GMDS: variants seen among roughly 807,000 people sequenced by gnomAD.
GMDS encodes the protein GDP-mannose 4,6-dehydratase.
GMDS carries 20 observed loss-of-function variants against 49.9 expected under a neutral mutation model. The ratio of observed to expected loss-of-function variants is 0.40; its 90% confidence interval spans 0.28 to 0.58. The LOEUF is 0.58. Among genes scored for constraint, GMDS ranks in the 20% least tolerant of loss-of-function variants. The pLI is 0.42. For synonymous variants in GMDS, 177 were observed against 178.6 expected, an observed-to-expected ratio of 0.99 and a Z score of 0.07; for missense variants, 362 against 481.4, an observed-to-expected ratio of 0.75 and a Z score of 2.32.
At chr6:1,992,375 C>T (rs1766002800) in intron 4 of GMDS, among the ~76,000 whole-genome samples, 1 of 152,186 alleles carries the variant, frequency 6.6e-6, no homozygotes, top group Non-Finnish European at 1.5e-5. Flanking sequence ...CCACTCCTCC[C>T]TCCCCTTCTT....
At chr6:2,160,964 A>T (rs1486884342) in intron 1 of GMDS, among the ~76,000 whole-genome samples, 2 of 152,324 alleles carry the variant, frequency 1.3e-5, no homozygotes, top group East Asian at 3.9e-4. Flanking sequence ...CATACCCTGA[A>T]GCTCTTTGAA....
At position 2,006,110 on chromosome 6, in the gene GMDS, C is replaced by T. The variant is rs190399026; in HGVS notation, c.346-45144G>A. Among the ~76,000 whole-genome samples the T allele has an allele frequency of 3.1e-3, 476 of 152,188 alleles. 4 individuals are homozygous for T. Among genetic ancestry groups the T allele is most frequent in the Middle Eastern group, 3.4e-3 (1 of 294 alleles). On this transcript the variant is annotated intron_variant, in intron 4 of 10. Coordinates refer to ENST00000380815, the MANE Select transcript of GMDS (RefSeq NM_001500.4). ...ACCTGAATGCCCTCACCTCCATTCACTCAGTGGCACCAACAGAAACATAAA... is the reference window on the plus strand; with the variant it reads ...ACCTGAATGCCCTCACCTCCATTCATTCAGTGGCACCAACAGAAACATAAA...
intron 9 of GMDS, among the ~76,000 whole-genome samples, chr6:1,651,476 C>T (rs1432165279): frequency 6.6e-6 from 1 of 152,228 alleles, no homozygotes; most frequent in Non-Finnish European, 1.5e-5. Flanking sequence ...ACTTCCAGGG[C>T]TGGTGTCACC....
At chr6:2,175,680 T>A (rs1778249170) in intron 1 of GMDS, among the ~76,000 whole-genome samples, 3 of 152,232 alleles carry the variant, frequency 2.0e-5, no homozygotes, top group Admixed American at 2.0e-4. Context: ...GAGCATGCTT[T>A]GGTTTTAATA....
chr6:1,793,147 T>C (rs998538351), intron 7 of GMDS, among the ~76,000 whole-genome samples: 1 of 152,204 alleles, frequency 6.6e-6, no homozygotes, highest in Non-Finnish European at 1.5e-5. Flanking sequence ...AAACGACTTC[T>C]TCAGGTTTCC....
chr6:1,953,770 G>T lies in GMDS; in HGVS notation c.643+6097C>A, dbSNP rs1481852541. On this transcript the variant is annotated intron_variant, in intron 6 of 10. Coordinates refer to ENST00000380815, the MANE Select transcript of GMDS (RefSeq NM_001500.4). ...TCTTTAAGAGTAGATTTTATTACTG[G>T]TAAATAACATATTTGAAAAGAAACT... Among the ~76,000 whole-genome samples the T allele has an allele frequency of 2.6e-5, 4 of 151,862 alleles. No individual in the cohort carries two copies. In the South Asian group the frequency reaches 6.2e-4, roughly 24 times the overall value.
intron 1 of GMDS, among the ~76,000 whole-genome samples, chr6:2,223,158 T>C (rs12195559): frequency 6.6e-6 from 1 of 151,750 alleles, no homozygotes; most frequent in Admixed American, 6.6e-5. Flanking sequence ...TCTATATATA[T>C]ATACACACAT....
intron 9 of GMDS, among the ~76,000 whole-genome samples, chr6:1,702,089 G>A (rs1274017034): frequency 6.6e-6 from 1 of 152,258 alleles, no homozygotes; most frequent in African/African-American, 2.4e-5. Flanking sequence ...TTAAGACAAG[G>A]AAAGTTTGGA....
At chr6:1,789,451 G>A (rs887108254) in intron 7 of GMDS, among the ~76,000 whole-genome samples, 1 of 151,828 alleles carries the variant, frequency 6.6e-6, no homozygotes, top group Non-Finnish European at 1.5e-5. Flanking sequence ...CTCCCTCCTA[G>A]GAATCAGGAC....
At chr6:2,027,578 T>C (rs1768677415) in intron 4 of GMDS, among the ~76,000 whole-genome samples, 1 of 151,362 alleles carries the variant, frequency 6.6e-6, no homozygotes, top group South Asian at 2.1e-4. Flanking sequence ...TTGGCAGGAG[T>C]GAGAAACAAC....
intron 1 of GMDS, among the ~76,000 whole-genome samples, chr6:2,192,085 A>T (rs537705383): frequency 2.6e-5 from 4 of 152,242 alleles, no homozygotes; most frequent in Admixed American, 6.5e-5. Context: ...CTCTGCTAAG[A>T]GCTGCAGAGA....
chr6:1,840,578 A>C (rs1757111852), intron 7 of GMDS, among the ~76,000 whole-genome samples: 1 of 152,194 alleles, frequency 6.6e-6, no homozygotes, highest in African/African-American at 2.4e-5. Flanking sequence ...CAAGAGACGT[A>C]TTTGCTGCTA....
intron 4 of GMDS, among the ~76,000 whole-genome samples, chr6:2,082,229 C>A (rs1353917783): frequency 6.6e-6 from 1 of 152,158 alleles, no homozygotes; most frequent in Non-Finnish European, 1.5e-5. Flanking sequence ...TTTTCAAGAA[C>A]CCATCAGCTG....
chr6:1,747,470 ACACGCTCATGCGTGTGCGCG>A (rs1020063865), intron 7 of GMDS, among the ~76,000 whole-genome samples: 13 of 4,842 alleles, frequency 2.7e-3, no homozygotes, highest in Non-Finnish European at 2.5e-3. Context: ...ACACACACAC[ACACGCTCATGCGTGTGCGCG>A]CACACACACA....
At chr6:1,737,542 CCACA>C (rs1213540754) in intron 8 of GMDS, among the ~76,000 whole-genome samples, 2 of 149,600 alleles carry the variant, frequency 1.3e-5, no homozygotes, top group Admixed American at 6.7e-5. Context: ...CACATACACA[CCACA>C]CACACAGATA....
intron 1 of GMDS, among the ~76,000 whole-genome samples, chr6:2,224,640 GAAAA>G (rs3839613): frequency 6.6e-6 from 1 of 151,822 alleles, no homozygotes; most frequent in Non-Finnish European, 1.5e-5. Context: ...ATGTCTCAGA[GAAAA>G]AAAATCATAA....
chr6:2,104,053 A>C (rs892345752), intron 4 of GMDS, among the ~76,000 whole-genome samples: 1 of 152,244 alleles, frequency 6.6e-6, no homozygotes, highest in East Asian at 1.9e-4. Context: ...TTGCTTAACT[A>C]AAGAGGAGAC....
intron 9 of GMDS, among the ~76,000 whole-genome samples, chr6:1,700,085 A>G (rs939278830): frequency 1.3e-5 from 2 of 152,170 alleles, no homozygotes; most frequent in African/African-American, 2.4e-5. Flanking sequence ...CACCGACACC[A>G]AAGTGTATGA....
intron 7 of GMDS, among the ~76,000 whole-genome samples, chr6:1,791,896 A>G (rs1212554408): frequency 6.6e-6 from 1 of 152,244 alleles, no homozygotes; most frequent in Non-Finnish European, 1.5e-5. Context: ...AATAAAAAAC[A>G]GAAATCTCTT....
Sources: allele counts gnomAD v4.1 joint callset (sites outside exome capture counted in the v4.1 genomes callset), GRCh38; gene constraint gnomAD v4.1.1; transcripts MANE v1.5; gene names NCBI Gene and HGNC (gene_info 2026-07-23, HGNC 2026-07-21).